Variants in DPEP1 observed in about 807,000 individuals in gnomAD.
DPEP1 encodes the protein beta-lactamase.
Under a neutral mutation model 42.3 loss-of-function variants are expected in DPEP1, and 50 were observed. The ratio of observed to expected loss-of-function variants is 1.18; its 90% confidence interval spans 0.94 to 1.50. The LOEUF (loss-of-function observed/expected upper bound fraction) is 1.50. DPEP1 is among the 40% of genes most tolerant of loss of function. The pLI, the probability that DPEP1 is intolerant of heterozygous loss-of-function variation, is 0.00. For missense variants in DPEP1, 663 were observed against 553.0 expected, an observed-to-expected ratio of 1.20 and a Z score of -1.99; for synonymous variants, 297 against 234.0, an observed-to-expected ratio of 1.27 and a Z score of -2.46.
downstream of DPEP1, among the ~76,000 whole-genome samples, chr16:89,640,043 GGCA>G (rs1487635921): frequency 1.3e-5 from 2 of 152,186 alleles, no homozygotes; most frequent in Non-Finnish European, 2.9e-5. Context: ...TCCCACTGTG[GGCA>G]GCAGAACCAG....
chr16:89,620,395 C>G (rs1481243950), intron 1 of DPEP1, among the ~76,000 whole-genome samples: 2 of 152,142 alleles, frequency 1.3e-5, no homozygotes, highest in African/African-American at 4.8e-5. Context: ...CTGCTGCCAC[C>G]TAAGGCAGAT....
At chr16:89,629,512 C>G (rs1405465664) in intron 1 of DPEP1, among the ~76,000 whole-genome samples, 4 of 150,418 alleles carry the variant, frequency 2.7e-5, no homozygotes, top group Non-Finnish European at 5.9e-5. Flanking sequence ...TCCCCCCACC[C>G]CCCCCCGAAG....
chr16:89,614,687 C>G (rs1017296034), intron 1 of DPEP1, among the ~76,000 whole-genome samples: 1 of 152,228 alleles, frequency 6.6e-6, no homozygotes, highest in East Asian at 1.9e-4. Context: ...CCCAGCTACT[C>G]GGGAGGCTGA....
At chr16:89,617,382 G>A (rs956831472) in intron 1 of DPEP1, among the ~76,000 whole-genome samples, 3 of 152,182 alleles carry the variant, frequency 2.0e-5, no homozygotes, top group East Asian at 1.9e-4. Context: ...CCCTCAGCAC[G>A]GTGCCTGCAT....
In DPEP1 at chr16:89,616,072, CA is replaced by C. The variant is rs555988336; in HGVS notation, c.-107+2363del. 7.1e-5 allele frequency among the ~76,000 whole-genome samples: 10 copies of C among 140,046 alleles called. 1 individual carries two copies. The highest frequency in any genetic ancestry group is 1.2e-4 in the Non-Finnish European group (8 of 64,856). The allele number at this position is 140,046 out of a possible 152,430, so 91.9% of individuals were successfully genotyped here. A position where few individuals can be genotyped will look rare whatever the true frequency, so the allele number is the denominator to read the frequency against. ...TGGGTGACAGAGCAAGACTTCATCT[CA>C]AAAAAAAAACACAAAAAGTGAATTT... is the stretch of plus-strand genomic sequence containing the variant. On this transcript the variant is annotated intron_variant, in intron 1 of 10. Transcript: ENST00000690203.
intron 1 of DPEP1, among the ~76,000 whole-genome samples, chr16:89,616,031 C>G (rs2059376742): frequency 1.3e-5 from 2 of 151,958 alleles, no homozygotes; most frequent in South Asian, 2.1e-4. Context: ...TGAGATCACA[C>G]CACTGCACTC....
chr16:89,627,695 C>T (rs1412907826), intron 1 of DPEP1, among the ~76,000 whole-genome samples: 1 of 101,308 alleles, frequency 9.9e-6, no homozygotes, highest in African/African-American at 3.9e-5. Flanking sequence ...GAGTCTTGCT[C>T]TGCCACCCAG....
At chr16:89,641,265 A>G (rs2059740940), downstream of DPEP1, among the ~76,000 whole-genome samples, 1 of 151,936 alleles carries the variant, frequency 6.6e-6, no homozygotes. Context: ...GAGATGGTGG[A>G]GCAGAGTCTT....
chr16:89,627,651 CTTTTTTTTTTTT>C lies in DPEP1; in HGVS notation c.-106-2638_-106-2627del, dbSNP rs1175287086. ...GGGAACCCAGTCTTGGATATTTCTT[CTTTTTTTTTTTT>C]TTTTTTTTTTTTTTTGAAACGGAGT... On this transcript the variant is annotated intron_variant, in intron 1 of 10. Transcript: ENST00000690203. Among the ~76,000 whole-genome samples, 167 of 52,874 alleles carry C rather than the reference CTTTTTTTTTTTT, an allele frequency of 3.2e-3. 1 individual carries two copies. The highest frequency in any genetic ancestry group is 5.2e-3 in the South Asian group (5 of 960). The allele number at this position is 52,874 out of a possible 152,430, so 34.7% of individuals were successfully genotyped here.
chr16:89,614,230 T>C (rs2151473751), intron 1 of DPEP1, among the ~76,000 whole-genome samples: 1 of 152,216 alleles, frequency 6.6e-6, no homozygotes, highest in East Asian at 1.9e-4. Context: ...CGCCAGGCCC[T>C]CCAGAGGCCC....
chr16:89,640,537 C>A, downstream of DPEP1: 8 of 978,674 alleles, frequency 8.2e-6, no homozygotes, highest in Non-Finnish European at 9.7e-6. Context: ...AGAAGGGACG[C>A]GTCCTGATCT....
chr16:89,636,484 C>T (rs576599951), intron 4 of DPEP1, 49 bp from the exon 5 acceptor site: 1 of 1,599,908 alleles, frequency 6.3e-7, no homozygotes, highest in African/African-American at 1.3e-5. Flanking sequence ...GACACCTCAC[C>T]CTCCAGATAC....
intron 1 of DPEP1, among the ~76,000 whole-genome samples, chr16:89,614,009 C>T (rs879656161): frequency 6.9e-6 from 1 of 144,662 alleles, no homozygotes; most frequent in Non-Finnish European, 1.5e-5. Flanking sequence ...GCAGGGGACG[C>T]GGCTGCTTCC....
At chr16:89,614,649 G>T (rs941049979) in intron 1 of DPEP1, among the ~76,000 whole-genome samples, 7 of 152,170 alleles carry the variant, frequency 4.6e-5, no homozygotes, top group Non-Finnish European at 1.0e-4. Context: ...CAAAAAATTA[G>T]CCGGGCGTGG....
intron 2 of DPEP1, among the ~76,000 whole-genome samples, chr16:89,634,419 C>G (rs1422262233): frequency 6.6e-6 from 1 of 152,102 alleles, no homozygotes. Context: ...AGTGGATTCC[C>G]TTTGCTCCTG....
At chr16:89,635,608 A>G (rs2059666650) in intron 2 of DPEP1, among the ~76,000 whole-genome samples, 1 of 152,112 alleles carries the variant, frequency 6.6e-6, no homozygotes, top group African/African-American at 2.4e-5. Flanking sequence ...CCACCCTCAG[A>G]CAATGTGTCT....
intron 1 of DPEP1, among the ~76,000 whole-genome samples, chr16:89,617,356 C>T (rs552204867): frequency 1.3e-5 from 2 of 152,120 alleles, no homozygotes; most frequent in African/African-American, 2.4e-5. Context: ...TCCTGCCTCA[C>T]GAGGCCACAG....
rs987364826 is a variant in DPEP1, at chr16:89,636,633, T to C, written c.471T>C (p.Tyr157=). Residue 157 remains tyrosine (Y), a synonymous_variant, in exon 5 of 11, where the codon TAT becomes TAC. Transcript: ENST00000690203. ...DSSLGVLRAL[Y]QLGMRYLTLT... ...GTTTGGGCGTCCTGCGGGCACTCTA[T>C]CAGCTGGGCATGCGGTACCTGACCC... 6.2e-7 allele frequency: 1 copy of C among 1,612,556 alleles called. No individual in the cohort carries two copies. The highest frequency in any genetic ancestry group is 8.5e-7 in the Non-Finnish European group (1 of 1,179,944).
intron 2 of DPEP1, 140 bp from the exon 3 acceptor site, chr16:89,635,768 A>AC: frequency 8.3e-7 from 1 of 1,204,420 alleles, no homozygotes; most frequent in Non-Finnish European, 1.1e-6. Flanking sequence ...GTGATATGTC[A>AC]CCCCCGCGGC....
Sources: allele counts gnomAD v4.1 joint callset (sites outside exome capture counted in the v4.1 genomes callset), GRCh38; gene constraint gnomAD v4.1.1; transcripts MANE v1.5; gene names NCBI Gene and HGNC (gene_info 2026-07-23, HGNC 2026-07-21).